The following CACNA2D3 variants were observed in gnomAD, a reference collection of about 807,000 sequenced individuals.
CACNA2D3 encodes calcium voltage-gated channel auxiliary subunit alpha2delta 3.
CACNA2D3 carries 60 observed loss-of-function variants against 160.6 expected under a neutral mutation model. That is an observed-to-expected ratio of 0.37 (90% CI 0.30 to 0.46). CACNA2D3 has a LOEUF of 0.46. Among genes scored for constraint, CACNA2D3 ranks in the 20% least tolerant of loss-of-function variants. The pLI is 1.00. For synonymous variants in CACNA2D3, 558 were observed against 492.9 expected, an observed-to-expected ratio of 1.13 and a Z score of -1.75; for missense variants, 1,205 against 1,365.0, an observed-to-expected ratio of 0.88 and a Z score of 1.85.
chr3:55,008,013 T>A (rs1344519958), intron 33 of CACNA2D3, among the ~76,000 whole-genome samples, 171 bp downstream of exon 33: 1 of 152,216 alleles, frequency 6.6e-6, no homozygotes, highest in Non-Finnish European at 1.5e-5. Flanking sequence ...CAAAAAATGA[T>A]CTTCTATTAA....
At chr3:54,243,485 G>C (rs1265051955) in intron 2 of CACNA2D3, among the ~76,000 whole-genome samples, 5 of 152,146 alleles carry the variant, frequency 3.3e-5, no homozygotes, top group Non-Finnish European at 5.9e-5. Context: ...GAAACCATGT[G>C]GGGTTCGGCT....
chr3:55,058,338 C>T (rs754891080), intron 35 of CACNA2D3, among the ~76,000 whole-genome samples: 1 of 152,144 alleles, frequency 6.6e-6, no homozygotes, highest in Non-Finnish European at 1.5e-5. Context: ...TTATTTCAGT[C>T]AGCAAAAATG....
chr3:54,993,247 A>G (rs1239947128), intron 31 of CACNA2D3, among the ~76,000 whole-genome samples: 1 of 152,250 alleles, frequency 6.6e-6, no homozygotes, highest in African/African-American at 2.4e-5. Flanking sequence ...CACTAAGCAC[A>G]TAGACAGCAA....
At chr3:54,780,793 C>T (rs914945492) in intron 13 of CACNA2D3, among the ~76,000 whole-genome samples, 3 of 152,108 alleles carry the variant, frequency 2.0e-5, no homozygotes, top group Non-Finnish European at 4.4e-5. Flanking sequence ...AGCATTTCAA[C>T]TTTTGTAACA....
intron 2 of CACNA2D3, among the ~76,000 whole-genome samples, chr3:54,192,385 G>T (rs1701000035): frequency 6.6e-6 from 1 of 152,146 alleles, no homozygotes; most frequent in African/African-American, 2.4e-5. Flanking sequence ...CAACATGCAG[G>T]TGACAACACA....
At chr3:54,597,981 A>G (rs989417070) in intron 9 of CACNA2D3, among the ~76,000 whole-genome samples, 4 of 152,114 alleles carry the variant, frequency 2.6e-5, no homozygotes, top group South Asian at 2.1e-4. Context: ...TTTCCCATCC[A>G]TAGAGCGAGG....
At chr3:54,627,719 A>G (rs970302619) in intron 9 of CACNA2D3, 68 bp from the exon 10 acceptor site, 14 of 940,582 alleles carry the variant, frequency 1.5e-5, no homozygotes, top group Middle Eastern at 2.1e-4. Flanking sequence ...CGTACATCTA[A>G]TTCATTCAAG....
intron 4 of CACNA2D3, among the ~76,000 whole-genome samples, chr3:54,463,182 G>A (rs1454459886): frequency 2.0e-5 from 3 of 151,906 alleles, no homozygotes; most frequent in Admixed American, 6.6e-5. Context: ...TGGGTAACCC[G>A]ACCTTTCTCT....
chr3:55,005,668 G>C (rs1204603942), intron 32 of CACNA2D3, among the ~76,000 whole-genome samples: 2 of 152,124 alleles, frequency 1.3e-5, no homozygotes, highest in Non-Finnish European at 2.9e-5. Flanking sequence ...CTGGCTTTCA[G>C]ATGGCCAGAA....
intron 5 of CACNA2D3, among the ~76,000 whole-genome samples, chr3:54,561,722 C>T (rs186835493): frequency 2.6e-5 from 4 of 152,306 alleles, no homozygotes; most frequent in African/African-American, 9.6e-5. Context: ...GATTCCATGG[C>T]AGAAGAGCAA....
intron 18 of CACNA2D3, among the ~76,000 whole-genome samples, chr3:54,872,056 C>T (rs1026037844): frequency 3.3e-5 from 5 of 152,198 alleles, no homozygotes; most frequent in African/African-American, 1.2e-4. Context: ...ACCTCATTGG[C>T]ACAGCCCTTG....
At chr3:54,329,146 A>T (rs944051519) in intron 3 of CACNA2D3, among the ~76,000 whole-genome samples, 11 of 152,226 alleles carry the variant, frequency 7.2e-5, no homozygotes, top group African/African-American at 2.6e-4. Context: ...ATCTTTTTAC[A>T]TGTGTATTAG....
In CACNA2D3 at chr3:54,608,441, T is replaced by C. The variant is rs145009451; in HGVS notation, c.964-19346T>C. ...ATTTGACCTTCCCAACAGCCTTGTC[T>C]GGTGCATTCTGTTTTGCCCATTTTA... is the stretch of plus-strand genomic sequence containing the variant. On this transcript the variant is annotated intron_variant, in intron 9 of 37. Transcript: ENST00000474759. Among the ~76,000 whole-genome samples, 10 of 152,376 alleles carry C rather than the reference T, an allele frequency of 6.6e-5. No homozygotes were observed. In the East Asian group the frequency reaches 1.5e-3, roughly 24 times the overall value.
chr3:54,932,741 C>T (rs576078234), intron 27 of CACNA2D3, among the ~76,000 whole-genome samples: 1 of 152,312 alleles, frequency 6.6e-6, no homozygotes, highest in East Asian at 1.9e-4. Context: ...TTGGTAAAGT[C>T]ATGGCCAAGT....
rs1057048686 is a variant in CACNA2D3 at position 54,297,842 on chromosome 3, A to G, written c.205-22600A>G. ...ACCCCCATTTCTAGCTGCCTGGTGC[A>G]TGGGGGCTATGGAGATGAAACCCAC... On this transcript the variant is annotated intron_variant, in intron 2 of 37. Coordinates refer to ENST00000474759, the MANE Select transcript of CACNA2D3 (RefSeq NM_018398.3). 1.3e-5 allele frequency among the ~76,000 whole-genome samples: 2 copies of G among 152,124 alleles called. 1 individual carries two copies. The highest frequency in any genetic ancestry group is 4.8e-5 in the African/African-American group (2 of 41,420).
intron 34 of CACNA2D3, among the ~76,000 whole-genome samples, chr3:55,011,120 A>G (rs1009636849): frequency 1.3e-5 from 2 of 152,234 alleles, no homozygotes; most frequent in Admixed American, 6.5e-5. Flanking sequence ...GAGATGGAGC[A>G]GAATCTGCTG....
chr3:54,978,020 A>G (rs956292419), intron 29 of CACNA2D3, among the ~76,000 whole-genome samples: 7 of 152,108 alleles, frequency 4.6e-5, no homozygotes, highest in Non-Finnish European at 8.8e-5. Context: ...GGCATTTGTA[A>G]ACTGTCATGG....
intron 2 of CACNA2D3, among the ~76,000 whole-genome samples, chr3:54,191,397 A>ACATCATCATCAT (rs10533577): frequency 0.046 from 6,931 of 150,000 alleles, 206 homozygotes; most frequent in Middle Eastern, 0.062. Context: ...TAAAACATCA[A>ACATCATCATCAT]CATCATCATC....
intron 2 of CACNA2D3, among the ~76,000 whole-genome samples, chr3:54,261,113 T>A (rs1452633826): frequency 6.6e-6 from 1 of 152,224 alleles, no homozygotes; most frequent in Non-Finnish European, 1.5e-5. Flanking sequence ...AATAAATGTC[T>A]AGATAGCCTA....
Sources: allele counts gnomAD v4.1 joint callset (sites outside exome capture counted in the v4.1 genomes callset), GRCh38; gene constraint gnomAD v4.1.1; transcripts MANE v1.5; gene names NCBI Gene and HGNC (gene_info 2026-07-23, HGNC 2026-07-21).